Variants in EPHA6 observed in about 807,000 individuals in gnomAD.
EPHA6 encodes ephrin type-A receptor 6.
A neutral mutation model predicts 112.0 loss-of-function variants in EPHA6; 50 were observed. That is an observed-to-expected ratio of 0.45 (90% CI 0.36 to 0.56). The LOEUF (loss-of-function observed/expected upper bound fraction) is 0.56. Among genes scored for constraint, EPHA6 ranks in the 20% least tolerant of loss-of-function variants. The probability of loss-of-function intolerance (pLI) is 0.00; values close to 1 mark genes in which losing one functional copy is unlikely to be tolerated. For synonymous variants in EPHA6, 529 were observed against 490.7 expected, an observed-to-expected ratio of 1.08 and a Z score of -1.03; for missense variants, 1,280 against 1,417.4, an observed-to-expected ratio of 0.90 and a Z score of 1.56.
At chr3:97,409,389 T>A (rs757828402) in intron 6 of EPHA6, among the ~76,000 whole-genome samples, 32 of 152,100 alleles carry the variant, frequency 2.1e-4, no homozygotes, top group Admixed American at 1.6e-3. Flanking sequence ...CCTAACAACA[T>A]ATGTTTGAGG....
intron 5 of EPHA6, among the ~76,000 whole-genome samples, chr3:97,318,815 C>T (rs1443403097): frequency 6.6e-6 from 1 of 151,626 alleles, no homozygotes; most frequent in Non-Finnish European, 1.5e-5. Flanking sequence ...TAACTATAAT[C>T]CTTTGATAAA....
intron 13 of EPHA6, among the ~76,000 whole-genome samples, chr3:97,626,553 G>A (rs1168392585): frequency 6.6e-6 from 1 of 151,690 alleles, no homozygotes; most frequent in Admixed American, 6.6e-5. Context: ...GATAAAGAAG[G>A]AAATAAAGAG....
intron 5 of EPHA6, among the ~76,000 whole-genome samples, chr3:97,286,171 A>C (rs1030826151): frequency 8.5e-5 from 13 of 152,244 alleles, no homozygotes; most frequent in Middle Eastern, 3.4e-3. Context: ...TAGTTCAAAA[A>C]TATTTTCTCC....
chr3:97,756,202 T>G lies in EPHA6; in HGVS notation c.*7501T>G, dbSNP rs928941388. Among the ~76,000 whole-genome samples, 1 of 151,988 alleles carries G rather than the reference T, an allele frequency of 6.6e-6. No individual in the cohort carries two copies. The highest frequency in any genetic ancestry group is 2.4e-5 in the African/African-American group (1 of 41,452). ...TTTTCTTTGACTGTGCATGCTTTAT[T>G]TATTACCATATTGTTTTTGTCTTCA... On this transcript the variant is annotated 3_prime_UTR_variant, in exon 18 of 18. Coordinates refer to ENST00000389672, the MANE Select transcript of EPHA6 (RefSeq NM_001080448.3).
At chr3:97,015,845 A>G (rs2107961202) in intron 3 of EPHA6, among the ~76,000 whole-genome samples, 1 of 152,342 alleles carries the variant, frequency 6.6e-6, no homozygotes, top group East Asian at 1.9e-4. Flanking sequence ...TAAAAATTAG[A>G]AACAAAAACT....
At chr3:97,433,355 A>G (rs1049638882) in intron 6 of EPHA6, among the ~76,000 whole-genome samples, 2 of 152,178 alleles carry the variant, frequency 1.3e-5, no homozygotes, top group Non-Finnish European at 2.9e-5. Flanking sequence ...CTAACAAAAT[A>G]TAATCTTTTT....
chr3:97,220,631 A>T (rs907367299), intron 3 of EPHA6, among the ~76,000 whole-genome samples: 1 of 152,058 alleles, frequency 6.6e-6, no homozygotes, highest in Non-Finnish European at 1.5e-5. Context: ...TCTTGTGAGA[A>T]CTCACTCAAT....
At chr3:97,401,070 T>C (rs940236770) in intron 5 of EPHA6, among the ~76,000 whole-genome samples, 1 of 151,842 alleles carries the variant, frequency 6.6e-6, no homozygotes, top group African/African-American at 2.4e-5. Context: ...CATATGGCCT[T>C]TATTGTGCTA....
chr3:96,936,507 G>A (rs2040589785), intron 2 of EPHA6, among the ~76,000 whole-genome samples: 1 of 151,576 alleles, frequency 6.6e-6, no homozygotes, highest in African/African-American at 2.4e-5. Flanking sequence ...ACTGGCAGTG[G>A]ATAATTTCTG....
intron 2 of EPHA6, among the ~76,000 whole-genome samples, chr3:96,958,788 G>A (rs2041855445): frequency 1.3e-5 from 2 of 152,144 alleles, no homozygotes; most frequent in Non-Finnish European, 2.9e-5. Flanking sequence ...ATGTTGATGA[G>A]AGATTCTTTC....
At chr3:96,978,227 T>A (rs189070971) in intron 2 of EPHA6, among the ~76,000 whole-genome samples, 1 of 152,248 alleles carries the variant, frequency 6.6e-6, no homozygotes, top group Non-Finnish European at 1.5e-5. Context: ...AACTGGACGA[T>A]CATGAAGTGG....
At chr3:97,597,526 C>A (rs752126880) in intron 12 of EPHA6, among the ~76,000 whole-genome samples, 18 of 152,166 alleles carry the variant, frequency 1.2e-4, no homozygotes, top group Non-Finnish European at 2.1e-4. Flanking sequence ...TTTTGACATC[C>A]TCACTGCTAT....
chr3:97,320,940 A>G (rs2082090786), intron 5 of EPHA6, among the ~76,000 whole-genome samples: 1 of 151,982 alleles, frequency 6.6e-6, no homozygotes, highest in Admixed American at 6.6e-5. Context: ...ACATTAAAAA[A>G]TATTGTCACA....
chr3:97,697,306 T>G (rs1171510652), intron 14 of EPHA6, among the ~76,000 whole-genome samples: 1 of 152,228 alleles, frequency 6.6e-6, no homozygotes, highest in Non-Finnish European at 1.5e-5. Flanking sequence ...TAGGATAGGT[T>G]TATAATTTAG....
At chr3:96,830,318 G>T (rs145405666) in intron 1 of EPHA6, among the ~76,000 whole-genome samples, 1 of 151,900 alleles carries the variant, frequency 6.6e-6, no homozygotes, top group Non-Finnish European at 1.5e-5. Context: ...TCACTAATGC[G>T]CATATAAAAA....
chr3:97,104,450 T>G (rs569457102), intron 3 of EPHA6, among the ~76,000 whole-genome samples: 1 of 152,316 alleles, frequency 6.6e-6, no homozygotes, highest in Non-Finnish European at 1.5e-5. Context: ...ATCATATTTA[T>G]TTATTTTCGT....
In EPHA6 at chr3:96,987,425, T is replaced by A; in HGVS notation, c.546T>A (p.Arg182=). ...AACCAAACCAAAACAACTGGCTTCG[T>A]ACAAACTGGATCTCCCGTGATGCAG... ...VMEPNQNNWL[R]TNWISRDAAQ... Residue 182 remains arginine (R), a synonymous_variant, in exon 3 of 18, where the codon CGT becomes CGA. Transcript: ENST00000389672. 1.2e-6 allele frequency: 2 copies of A among 1,613,946 alleles called. No homozygotes were observed. Among genetic ancestry groups the A allele is most frequent in the South Asian group, 2.2e-5 (2 of 91,086 alleles).
chr3:97,631,729 G>A (rs2093904432), intron 13 of EPHA6, among the ~76,000 whole-genome samples: 1 of 151,982 alleles, frequency 6.6e-6, no homozygotes, highest in Admixed American at 6.6e-5. Context: ...TCAGTGACAT[G>A]CAATTTTTGT....
Position 97,251,066 on chromosome 3 carries a change from C to T in EPHA6, c.1606+6779C>T, listed in dbSNP as rs2079122529. Among the ~76,000 whole-genome samples the T allele has an allele frequency of 4.6e-5, 7 of 151,916 alleles. No individual in the cohort carries two copies. In the South Asian group the frequency reaches 1.5e-3, roughly 32 times the overall value. The stretch of plus-strand genomic sequence containing the variant: ...TGTTTTTAGTAGAGACAGGGTTTCA[C>T]CATGTTGGCCAGGCTGATCTTGAAC... On this transcript the variant is annotated intron_variant, in intron 5 of 17. Coordinates refer to ENST00000389672, the MANE Select transcript of EPHA6 (RefSeq NM_001080448.3).
Sources: gnomAD v4.1 joint callset for allele counts (sites outside exome capture counted in the v4.1 genomes callset) on GRCh38, gnomAD v4.1.1 for gene constraint, MANE v1.5 for transcripts, NCBI Gene and HGNC (gene_info 2026-07-23, HGNC 2026-07-21) for gene names.